SOX5: variants seen among roughly 807,000 people sequenced by gnomAD.
SOX5 encodes the protein transcription factor SOX-5.
In SOX5, 9 loss-of-function variants were observed where a neutral mutation model predicts 92.0. The observed-to-expected ratio is 0.10, with a 90% CI of 0.06 to 0.17. The LOEUF (loss-of-function observed/expected upper bound fraction) is 0.17, where lower values mean the gene tolerates loss of function less well. Ranked by LOEUF, SOX5 falls within the 10% of genes least tolerant of loss-of-function variation. The probability of loss-of-function intolerance (pLI) is 1.00; values close to 1 mark genes in which losing one functional copy is unlikely to be tolerated. For missense variants in SOX5, 642 were observed against 944.5 expected (o/e 0.68, Z 4.20); for synonymous variants, 344 against 336.3 (o/e 1.02, Z -0.25).
rs74449460 is a variant in SOX5, at chr12:24,080,535, A to G, written c.-2+132808T>C. Among the ~76,000 whole-genome samples the G allele has an allele frequency of 2.4e-3, 364 of 152,132 alleles. 1 individual carries two copies. Among genetic ancestry groups the G allele is most frequent in the African/African-American group, 7.6e-3 (314 of 41,550 alleles). The stretch of plus-strand genomic sequence containing the variant: ...ATTTATGTAGACAAATATAATTTTT[A>G]TCTGCATTTGAAACTTTTATTGCCA... On this transcript the variant is annotated intron_variant, in intron 4 of 4. Coordinates refer to the SOX5 transcript ENST00000446891.
At chr12:24,451,433 C>T (rs1288434376) in intron 1 of SOX5, among the ~76,000 whole-genome samples, 1 of 152,086 alleles carries the variant, frequency 6.6e-6, no homozygotes, top group Admixed American at 6.6e-5. Flanking sequence ...TAAGGGTTCC[C>T]TTTTCTACAC....
Position 23,532,299 on chromosome 12 carries a change from AAAGG to A in SOX5, c.*1916_*1919del, listed in dbSNP as rs1330229688. ...AAGTCTTCTGAGAGAGAGAAAAATA[AAAGG>A]GATTCTTTTTTTATTTATATGTAAA... On this transcript the variant is annotated 3_prime_UTR_variant, in exon 15 of 15. Coordinates refer to ENST00000451604, the MANE Select transcript of SOX5 (RefSeq NM_006940.6). 6.6e-6 allele frequency: 1 copy of A among 152,154 alleles called. No homozygotes were observed. Among genetic ancestry groups the A allele is most frequent in the Non-Finnish European group, 1.5e-5 (1 of 68,018 alleles). 9.4% of individuals were successfully genotyped at this position (152,154 alleles called of 1,614,324 possible).
At chr12:23,785,106 A>G (rs1217121382) in intron 3 of SOX5, among the ~76,000 whole-genome samples, 1 of 152,170 alleles carries the variant, frequency 6.6e-6, no homozygotes, top group Non-Finnish European at 1.5e-5. Context: ...AAAATCATCT[A>G]TTTAATCAAC....
intron 6 of SOX5, among the ~76,000 whole-genome samples, chr12:23,708,712 A>C (rs77143836): frequency 0.055 from 8,326 of 152,256 alleles, 308 homozygotes; most frequent in East Asian, 0.17. Flanking sequence ...CATAAGGAAT[A>C]TCATAAAGGC....
chr12:24,476,943 G>A (rs1316739810), intron 1 of SOX5, among the ~76,000 whole-genome samples: 1 of 131,034 alleles, frequency 7.6e-6, no homozygotes, highest in Non-Finnish European at 1.6e-5. Flanking sequence ...AGGGAGGACC[G>A]TTTGAGGCCA....
intron 2 of SOX5, among the ~76,000 whole-genome samples, chr12:23,881,676 A>C (rs923633146): frequency 3.3e-5 from 5 of 152,248 alleles, no homozygotes; most frequent in African/African-American, 1.2e-4. Flanking sequence ...TTCTGCTTAA[A>C]GATTATCCCT....
At chr12:24,061,973 A>G (rs1939808230) in intron 4 of SOX5, among the ~76,000 whole-genome samples, 1 of 152,072 alleles carries the variant, frequency 6.6e-6, no homozygotes, top group South Asian at 2.1e-4. Context: ...TGTTTCATAT[A>G]GCCATTTGAG....
intron 4 of SOX5, among the ~76,000 whole-genome samples, chr12:24,022,161 T>C (rs1250294578): frequency 6.6e-6 from 1 of 152,182 alleles, no homozygotes; most frequent in Non-Finnish European, 1.5e-5. Flanking sequence ...TCACGTGTTA[T>C]TTAGGAGAAT....
chr12:23,881,151 C>T (rs2096984561), intron 2 of SOX5, among the ~76,000 whole-genome samples: 1 of 152,090 alleles, frequency 6.6e-6, no homozygotes, highest in Non-Finnish European at 1.5e-5. Flanking sequence ...CAGTGTGCTG[C>T]CATGTTAATT....
chr12:24,085,383 C>T (rs546926457), intron 4 of SOX5, among the ~76,000 whole-genome samples: 2 of 152,032 alleles, frequency 1.3e-5, no homozygotes, highest in Admixed American at 6.6e-5. Context: ...CAACTTTGTG[C>T]CCACTTTACA....
At chr12:24,016,631 T>C (rs962559358) in intron 4 of SOX5, among the ~76,000 whole-genome samples, 5 of 152,220 alleles carry the variant, frequency 3.3e-5, no homozygotes, top group Non-Finnish European at 7.3e-5. Context: ...TAATAACATT[T>C]GCAGAAACGC....
At chr12:24,325,665 G>A (rs1488218781) in intron 2 of SOX5, among the ~76,000 whole-genome samples, 2 of 152,140 alleles carry the variant, frequency 1.3e-5, no homozygotes, top group Non-Finnish European at 2.9e-5. Flanking sequence ...ACATGATAGT[G>A]GAAAAGACAT....
intron 1 of SOX5, among the ~76,000 whole-genome samples, chr12:23,921,382 TAA>T (rs549366167): frequency 5.0e-4 from 71 of 142,072 alleles, no homozygotes; most frequent in African/African-American, 1.7e-3. Flanking sequence ...ATATGATCTT[TAA>T]AAAAAAAAAA....
intron 9 of SOX5, among the ~76,000 whole-genome samples, chr12:23,595,219 C>T (rs570153695): frequency 1.3e-5 from 2 of 152,094 alleles, no homozygotes; most frequent in African/African-American, 4.8e-5. Context: ...AAAAAGGGAC[C>T]ATCCTTTTAA....
intron 1 of SOX5, among the ~76,000 whole-genome samples, chr12:24,521,645 T>C (rs1192406717): frequency 1.3e-5 from 2 of 151,992 alleles, no homozygotes; most frequent in Non-Finnish European, 2.9e-5. Flanking sequence ...TAGAAATCAA[T>C]AACAGCAAGA....
At chr12:24,041,793 C>T (rs760183369) in intron 4 of SOX5, among the ~76,000 whole-genome samples, 25 of 151,832 alleles carry the variant, frequency 1.6e-4, no homozygotes, top group Non-Finnish European at 2.9e-4. Flanking sequence ...ATTTTTTGTC[C>T]CTGGCTACAA....
chr12:24,226,695 TC>T, intron 3 of SOX5, among the ~76,000 whole-genome samples: 1 of 152,268 alleles, frequency 6.6e-6, no homozygotes, highest in East Asian at 1.9e-4. Context: ...GGTCTTCAAC[TC>T]CTGACCTCAG....
chr12:24,156,974 TTA>T (rs1213207093), intron 4 of SOX5, among the ~76,000 whole-genome samples: 2 of 152,122 alleles, frequency 1.3e-5, no homozygotes, highest in Admixed American at 6.6e-5. Context: ...ATATTCTGTT[TTA>T]TGTTTGTCCA....
intron 1 of SOX5, among the ~76,000 whole-genome samples, chr12:24,514,507 T>C (rs1464409768): frequency 6.6e-6 from 1 of 152,210 alleles, no homozygotes; most frequent in African/African-American, 2.4e-5. Flanking sequence ...ATTGATGGCA[T>C]AAGGAAAGAC....
Sources: allele counts gnomAD v4.1 joint callset (sites outside exome capture counted in the v4.1 genomes callset), GRCh38; gene constraint gnomAD v4.1.1; transcripts MANE v1.5; gene names NCBI Gene and HGNC (gene_info 2026-07-23, HGNC 2026-07-21).